SRPK1: variants seen among roughly 807,000 people sequenced by gnomAD.
SRPK1 encodes the protein SRSF protein kinase 1.
SRPK1 carries 52 observed loss-of-function variants against 89.5 expected under a neutral mutation model. That is an observed-to-expected ratio of 0.58 (90% CI 0.46 to 0.73). The LOEUF (loss-of-function observed/expected upper bound fraction) is 0.73. Ranked by LOEUF, SRPK1 falls within the 30% of genes least tolerant of loss-of-function variation. SRPK1 has a pLI of 0.00. For missense variants in SRPK1, 603 were observed against 780.6 expected (o/e 0.77, Z 2.71); for synonymous variants, 255 against 270.2 (o/e 0.94, Z 0.55).
At chr6:35,895,138 G>A (rs953234984) in intron 2 of SRPK1, among the ~76,000 whole-genome samples, 1 of 151,982 alleles carries the variant, frequency 6.6e-6, no homozygotes, top group Non-Finnish European at 1.5e-5. Flanking sequence ...ACATAATTAC[G>A]AATTCCAAGA....
intron 6 of SRPK1, among the ~76,000 whole-genome samples, chr6:35,880,868 G>C (rs1770272773): frequency 6.8e-6 from 1 of 147,598 alleles, no homozygotes; most frequent in Non-Finnish European, 1.5e-5. Context: ...CATCAAGCAA[G>C]ATGAACTCAA....
chr6:35,848,161 A>G (rs1769465265), intron 13 of SRPK1, among the ~76,000 whole-genome samples: 1 of 152,216 alleles, frequency 6.6e-6, no homozygotes, highest in South Asian at 2.1e-4. Flanking sequence ...TGCAATTCCT[A>G]TCACAATTCC....
At chr6:35,857,399 CT>C in intron 12 of SRPK1, 31 bp from the exon 13 acceptor site, 1 of 1,514,776 alleles carries the variant, frequency 6.6e-7, no homozygotes, top group East Asian at 2.3e-5. Flanking sequence ...ATATTTTAAA[CT>C]TCATTCTAAA....
chr6:35,917,211 G>C (rs1462709508), intron 2 of SRPK1, among the ~76,000 whole-genome samples: 1 of 152,184 alleles, frequency 6.6e-6, no homozygotes, highest in Non-Finnish European at 1.5e-5. Context: ...ATAGACACAG[G>C]ACAGTATGTC....
At chr6:35,902,067 C>A (rs1236286509) in intron 2 of SRPK1, among the ~76,000 whole-genome samples, 1 of 151,762 alleles carries the variant, frequency 6.6e-6, no homozygotes, top group Non-Finnish European at 1.5e-5. Flanking sequence ...AAATGAAACA[C>A]CAACACATGA....
At chr6:35,846,389 G>A (rs6933287) in intron 13 of SRPK1, among the ~76,000 whole-genome samples, 44,149 of 151,530 alleles carry the variant, frequency 0.29, 6,706 homozygotes, top group South Asian at 0.42. Context: ...TCAGGAGTTC[G>A]AGACCAGCCT....
chr6:35,871,298 A>G (rs1240952169), intron 8 of SRPK1, among the ~76,000 whole-genome samples: 2 of 152,228 alleles, frequency 1.3e-5, no homozygotes, highest in Non-Finnish European at 2.9e-5. Flanking sequence ...TGCTACCCAG[A>G]ATCTGTCAGT....
At position 35,880,742 on chromosome 6, in the gene SRPK1, A is replaced by AAAAAGAAAGAAAGAAAGAAAG. The variant is rs781646186; in HGVS notation, c.478+5981_478+5982insCTTTCTTTCTTTCTTTCTTTT. Among the ~76,000 whole-genome samples, 10 of 28,186 alleles carry AAAAAGAAAGAAAGAAAGAAAG rather than the reference A, an allele frequency of 3.5e-4. 1 individual carries two copies. The highest frequency in any genetic ancestry group is 3.1e-3 in the African/African-American group (10 of 3,178). The allele number at this position is 28,186 out of a possible 152,430, so 18.5% of individuals were successfully genotyped here. A position where few individuals can be genotyped will look rare whatever the true frequency, so the allele number is the denominator to read the frequency against. ...CTCAAAAAAAAAAAAAAAGAAAAAA[A>AAAAAGAAAGAAAGAAAGAAAG]AAAAAAAAGAAAAGAAAAGAAGAAG... On this transcript the variant is annotated intron_variant, in intron 6 of 15. Coordinates refer to ENST00000373825, the MANE Select transcript of SRPK1 (RefSeq NM_003137.5).
chr6:35,884,112 T>C (rs186750105), intron 6 of SRPK1, among the ~76,000 whole-genome samples: 204 of 152,208 alleles, frequency 1.3e-3, no homozygotes, highest in Non-Finnish European at 1.7e-3. Context: ...AAAAGGCTTA[T>C]GTTATTGAGT....
At chr6:35,886,375 C>T (rs945063625) in intron 6 of SRPK1, among the ~76,000 whole-genome samples, 6 of 152,072 alleles carry the variant, frequency 3.9e-5, no homozygotes, top group African/African-American at 1.4e-4. Flanking sequence ...CCACCGTGCC[C>T]GGCCTACTCA....
At position 35,873,630 on chromosome 6, in the gene SRPK1, T is replaced by C. The variant is rs534353663; in HGVS notation, c.585+603A>G. 5.9e-4 allele frequency among the ~76,000 whole-genome samples: 88 copies of C among 149,708 alleles called. 1 individual carries two copies. In the Middle Eastern group the frequency reaches 0.011, roughly 18 times the overall value. ...TCAGCCTGCCGAGTAGCTGGGATTA[T>C]AGGCGCTTACCACCACACCCGGCTA... On this transcript the variant is annotated intron_variant, in intron 7 of 15. Transcript: ENST00000373825.
chr6:35,863,707 C>T (rs1241405261), intron 12 of SRPK1, among the ~76,000 whole-genome samples: 2 of 151,824 alleles, frequency 1.3e-5, no homozygotes, highest in Non-Finnish European at 2.9e-5. Flanking sequence ...GGGATTTTAT[C>T]AACACCAGAC....
chr6:35,870,935 G>A lies in SRPK1; in HGVS notation c.776C>T (p.Pro259Leu). The A allele has an allele frequency of 6.2e-7, 1 of 1,607,208 alleles. No homozygotes were observed. Among genetic ancestry groups the A allele is most frequent in the Non-Finnish European group, 8.5e-7 (1 of 1,175,720 alleles). Residue 259 changes from proline to leucine, a missense_variant and splice_region_variant, in exon 9 of 16, where the codon CCA (proline) becomes CTA (leucine). By Grantham distance (98) the Pro-to-Leu change is moderately conservative. Coordinates refer to ENST00000373825, the MANE Select transcript of SRPK1 (RefSeq NM_003137.5). ...AATATAAAAACACCTTATACTTACT[G>A]GTTTAGGCTGGGGAGCAGTACTGAC... ...SAVSTAPQPK[P>L]ADKMSKNKKK...
chr6:35,872,845 G>A, intron 7 of SRPK1, 117 bp from the exon 8 acceptor site: 2 of 923,156 alleles, frequency 2.2e-6, no homozygotes, highest in South Asian at 2.1e-5. Flanking sequence ...TTTCTATAGA[G>A]AATAAAAGCA....
intron 12 of SRPK1, among the ~76,000 whole-genome samples, chr6:35,868,227 G>A (rs988139042): frequency 2.0e-5 from 3 of 151,968 alleles, no homozygotes; most frequent in African/African-American, 4.8e-5. Context: ...CATGTGATCC[G>A]CCAGCCTCCG....
At chr6:35,843,841 G>A (rs1769370684) in intron 13 of SRPK1, among the ~76,000 whole-genome samples, 1 of 152,076 alleles carries the variant, frequency 6.6e-6, no homozygotes, top group Non-Finnish European at 1.5e-5. Context: ...CCCTAATTAG[G>A]AAAAGAAAAG....
At chr6:35,869,187 G>GT (rs1304718990) in intron 11 of SRPK1, 77 bp from the exon 12 acceptor site, 29 of 1,256,240 alleles carry the variant, frequency 2.3e-5, no homozygotes, top group Non-Finnish European at 3.2e-5. Flanking sequence ...GCTCTCCAAG[G>GT]TAAGAGTAAT....
At chr6:35,871,030 ACACT>A in intron 8 of SRPK1, 71 bp from the exon 9 acceptor site, 1 of 1,288,994 alleles carries the variant, frequency 7.8e-7, no homozygotes, top group Non-Finnish European at 1.1e-6. Flanking sequence ...CTCAGATAAA[ACACT>A]CTACCAGAAT....
At chr6:35,900,027 AT>A (rs1406514798) in intron 2 of SRPK1, among the ~76,000 whole-genome samples, 1 of 151,514 alleles carries the variant, frequency 6.6e-6, no homozygotes, top group Non-Finnish European at 1.5e-5. Flanking sequence ...TAATAAAAAA[AT>A]AAAAAAAAAT....
Sources: gnomAD v4.1 joint callset for allele counts (sites outside exome capture counted in the v4.1 genomes callset) on GRCh38, gnomAD v4.1.1 for gene constraint, MANE v1.5 for transcripts, NCBI Gene and HGNC (gene_info 2026-07-23, HGNC 2026-07-21) for gene names.